The following TLR9 variants were observed in gnomAD, a reference collection of about 807,000 sequenced individuals.
The protein encoded by TLR9 is toll like receptor 9, also known as toll-like receptor 9.
A neutral mutation model predicts 24.6 loss-of-function variants in TLR9; 19 were observed. The observed-to-expected ratio is 0.77, with a 90% confidence interval of 0.54 to 1.13. The LOEUF (loss-of-function observed/expected upper bound fraction) is 1.13, where lower values mean the gene tolerates loss of function less well. TLR9 is among the 50% of genes most tolerant of loss of function. The probability of loss-of-function intolerance (pLI) is 0.00; values close to 1 mark genes in which losing one functional copy is unlikely to be tolerated. For missense variants in TLR9, 1,065 were observed against 1,379.6 expected (o/e 0.77, Z 3.61); for synonymous variants, 579 against 609.8 (o/e 0.95, Z 0.74).
In TLR9 at chr3:52,222,845, TCTC is replaced by T; in HGVS notation, c.1468_1470del (p.Glu490del). On this transcript the variant is annotated inframe_deletion, in exon 2 of 2. Coordinates refer to ENST00000360658, the MANE Select transcript of TLR9 (RefSeq NM_017442.4). ...TGCAGGTGCGAGAGCTGGGCAAACA[TCTC>T]CGGCTGCACGGTCACCAGGTTGTTC... 6.2e-7 allele frequency: 1 copy of T among 1,612,394 alleles called. No homozygotes were observed. The highest frequency in any genetic ancestry group is 8.5e-7 in the Non-Finnish European group (1 of 1,178,560).
chr3:52,222,186 G>A lies in TLR9; in HGVS notation c.2130C>T (p.Cys710=). ...GTRLRRLDVS[C]NSISFVAPGF... ...CGGGGGCCACGAAGCTGATGCTGTT[G>A]CAGCTGACATCCAGCCTCCGGAGCC... The change falls in exon 2 of 2, where the codon TGC becomes TGT. Residue 710 remains cysteine (C), a synonymous_variant. Transcript: ENST00000360658. 6.2e-7 allele frequency: 1 copy of A among 1,614,062 alleles called. No homozygotes were observed. The highest frequency in any genetic ancestry group is 8.5e-7 in the Non-Finnish European group (1 of 1,180,024).
chr3:52,221,532 A>G lies in TLR9; in HGVS notation c.2784T>C (p.Tyr928=), dbSNP rs1297156884. 2.5e-6 allele frequency: 4 copies of G among 1,612,756 alleles called. No homozygotes were observed. The highest frequency in any genetic ancestry group is 1.6e-4 in the Middle Eastern group (1 of 6,082). The stretch of plus-strand genomic sequence containing the variant: ...GCACAAACAGCGTCTTGCGGCTGCC[A>G]TAGACCGAGGCCCACAGGTTCTCAA... ...TLFENLWASV[Y]GSRKTLFVLA... The change falls in exon 2 of 2, where the codon TAT becomes TAC. Residue 928 remains tyrosine, a synonymous_variant. Transcript: ENST00000360658. This position sits in a 1 kb window ranked among gnomAD's most constrained non-coding sequence, Gnocchi z 9.9.
chr3:52,223,297 T>C lies in TLR9; in HGVS notation c.1019A>G (p.Asn340Ser). The C allele has an allele frequency of 6.2e-7, 1 of 1,614,176 alleles. No individual in the cohort carries two copies. Among genetic ancestry groups the C allele is most frequent in the Non-Finnish European group, 8.5e-7 (1 of 1,180,020 alleles). The change falls in exon 2 of 2, where the codon AAC becomes AGC. Residue 340 changes from asparagine to serine, a missense_variant. By Grantham distance (46) the Asn-to-Ser change is conservative. Transcript: ENST00000360658. ...FQGLTQLRKLNLSFNYQKRVS... is the reference protein window; with the variant it reads ...FQGLTQLRKLSLSFNYQKRVS... ...CCTCTTTTGGTAATTGAAGGACAGG[T>C]TAAGCTTGCGCAGCTGTGTTAGGCC... is the stretch of plus-strand genomic sequence containing the variant.
chr3:52,221,850 CGAGAGGGCGAAACAGTCCCAG>C lies in TLR9; in HGVS notation c.2445_2465del (p.Trp816_Ser822del). 1.2e-6 allele frequency: 2 copies of C among 1,613,860 alleles called. No individual in the cohort carries two copies. Among genetic ancestry groups the C allele is most frequent in the Non-Finnish European group, 1.7e-6 (2 of 1,180,012 alleles). ...CCAGGCCCAGAGCCACAGCCAGCAG[CGAGAGGGCGAAACAGTCCCAG>C]GAGAGGGCCTCATCCAGGCAGAGGC... On this transcript the variant is annotated inframe_deletion, in exon 2 of 2. Coordinates refer to ENST00000360658, the MANE Select transcript of TLR9 (RefSeq NM_017442.4). The surrounding 1 kb of genome is among the most constrained non-coding windows in gnomAD (Gnocchi z 9.9).
At position 52,223,929 on chromosome 3, in the gene TLR9, G is replaced by T. The variant is rs1262811850; in HGVS notation, c.387C>A (p.Asn129Lys). The T allele has an allele frequency of 1.9e-6, 3 of 1,594,990 alleles. No homozygotes were observed. The highest frequency in any genetic ancestry group is 2.2e-5 in the East Asian group (1 of 44,590). ...CAGTCATGATGTTGTTGTAGCTCAG[G>T]TTTAGCTCTTCCAGGGTGGGCACAG... ...FLAVPTLEEL[N>K]LSYNNIMTVP... The change falls in exon 2 of 2, where the codon AAC (asparagine) becomes AAA (lysine). Residue 129 changes from asparagine (N) to lysine (K), a missense_variant. Physicochemically the swap from Asn to Lys is moderately conservative, Grantham distance 94 (BLOSUM62 0). Coordinates refer to ENST00000360658, the MANE Select transcript of TLR9 (RefSeq NM_017442.4).
chr3:52,223,187 G>A lies in TLR9; in HGVS notation c.1129C>T (p.Arg377Cys), dbSNP rs980298299. ...CGGAGCGTGGTCTCATCGAGTGAGC[G>A]GAAGAAGATGCCGTGCATGTCCAGC... ...KELDMHGIFF[R>C]SLDETTLRPL... The change falls in exon 2 of 2, where the codon CGC becomes TGC. Residue 377 changes from arginine to cysteine, a missense_variant. By Grantham distance (180) the Arg-to-Cys change is radical. Coordinates refer to ENST00000360658, the MANE Select transcript of TLR9 (RefSeq NM_017442.4). 6.2e-6 allele frequency: 10 copies of A among 1,613,482 alleles called. No individual in the cohort carries two copies. Among genetic ancestry groups the A allele is most frequent in the African/African-American group, 5.3e-5 (4 of 74,930 alleles).
intron 1 of TLR9, 100 bp from the exon 2 acceptor site, chr3:52,224,412 C>T: frequency 3.2e-6 from 3 of 927,438 alleles, no homozygotes; most frequent in Non-Finnish European, 4.9e-6. Context: ...CCCCTCTCTC[C>T]AAGCCCTACC....
rs1699566394 is a variant in TLR9 at position 52,222,237 on chromosome 3, G to A, written c.2079C>T (p.Thr693=). ...DLAGNQLKAL[T]NGSLPAGTRL... is the part of the protein sequence containing the mutation. ...GGGTGCCAGCAGGCAGGCTGCCATT[G>A]GTCAGGGCCTTCAGCTGGTTTCCTG... The change falls in exon 2 of 2, where the codon ACC becomes ACT. Residue 693 remains threonine (T), a synonymous_variant. Transcript: ENST00000360658. The A allele has an allele frequency of 6.2e-7, 1 of 1,614,054 alleles. No individual in the cohort carries two copies. The highest frequency in any genetic ancestry group is 1.3e-5 in the African/African-American group (1 of 74,942).
rs773220355 is a variant in TLR9, at chr3:52,225,556, G to T, written c.-27C>A. ...CTGGGGGGCAGGGGCTTCTCCAGAG[G>T]GTCTGGCGGGCAGACTGGACAGCAG... On this transcript the variant is annotated 5_prime_UTR_variant, in exon 1 of 2. Coordinates refer to ENST00000360658, the MANE Select transcript of TLR9 (RefSeq NM_017442.4). 6 of 1,577,524 alleles carry T rather than the reference G, an allele frequency of 3.8e-6. No individual in the cohort carries two copies. In the East Asian group the frequency reaches 1.4e-4, roughly 37 times the overall value.
chr3:52,224,339 T>A (rs755448550), intron 1 of TLR9, 27 bp from the exon 2 acceptor site: 6 of 1,535,300 alleles, frequency 3.9e-6, no homozygotes, highest in Non-Finnish European at 5.3e-6. Context: ...GCTGTGTGAG[T>A]GGCCGGCCCC....
Position 52,223,681 on chromosome 3 carries a change from G to C in TLR9, c.635C>G (p.Thr212Ser). The change falls in exon 2 of 2, where the codon ACT (threonine) becomes AGT (serine). Residue 212 changes from threonine (T) to serine (S), a missense_variant. By Grantham distance (58) the Thr-to-Ser change is moderately conservative. Transcript: ENST00000360658. The stretch of plus-strand genomic sequence containing the variant: ...GGAAGGCAGGTTGCGGGGCACCACA[G>C]TGAGGTTGTTGTACTTGAGTGACAG... ...THLSLKYNNL[T>S]VVPRNLPSSL... 1 of 1,599,878 alleles carries C rather than the reference G, an allele frequency of 6.3e-7. No homozygotes were observed. Among genetic ancestry groups the C allele is most frequent in the Non-Finnish European group, 8.5e-7 (1 of 1,172,316 alleles).
rs764305273 is a variant in TLR9 at position 52,224,064 on chromosome 3, G to T, written c.252C>A (p.Ala84=). The change falls in exon 2 of 2, where the codon GCC becomes GCA. Residue 84 remains alanine, a synonymous_variant. Coordinates refer to ENST00000360658, the MANE Select transcript of TLR9 (RefSeq NM_017442.4). ...TGAGATGCCGCAGGCTGGGCAGGTG[G>T]GCAAAGTCAGAATCATGGAGGTGGT... The part of the protein sequence containing the change: ...RIHHLHDSDF[A]HLPSLRHLNL... 1 of 1,572,766 alleles carries T rather than the reference G, an allele frequency of 6.4e-7. No individual in the cohort carries two copies. Among genetic ancestry groups the T allele is most frequent in the Non-Finnish European group, 8.7e-7 (1 of 1,155,372 alleles).
rs55846319 is a variant in TLR9, at chr3:52,221,393, C to A, written c.2923G>T (p.Gly975Cys). The A allele has an allele frequency of 3.0e-5, 47 of 1,592,450 alleles. No individual in the cohort carries two copies. In the East Asian group the frequency reaches 1.0e-3, roughly 34 times the overall value. The change falls in exon 2 of 2, where the codon GGC becomes TGC. Residue 975 changes from glycine (G) to cysteine (C), a missense_variant. Gly to Cys is a radical substitution (Grantham distance 159). Transcript: ENST00000360658. The surrounding 1 kb of genome is among the most constrained non-coding windows in gnomAD (Gnocchi z 9.9). ...VVVLVILSPDGRRSRYVRLRQ... is the reference protein window; with the variant it reads ...VVVLVILSPDCRRSRYVRLRQ... ...AGCCGCACGTAGCGGGAGCGGCGGC[C>A]GTCAGGGCTCAGGATCACCAGCACC... is the stretch of plus-strand genomic sequence containing the variant.
At position 52,223,415 on chromosome 3, in the gene TLR9, C is replaced by T. The variant is rs1476223719; in HGVS notation, c.901G>A (p.Ala301Thr). ...TTTCCCAGCCCACGGAACCAACTGG[C>T]ATTCAGCCAGGAGAGAGAACTGTCC... ...LKDSSLSWLNASWFRGLGNLR... is the reference protein window; with the variant it reads ...LKDSSLSWLNTSWFRGLGNLR... The change falls in exon 2 of 2, where the codon GCC (alanine) becomes ACC (threonine). Residue 301 changes from alanine to threonine, a missense_variant. By Grantham distance (58) the Ala-to-Thr change is moderately conservative. Transcript: ENST00000360658. 5 of 1,612,064 alleles carry T rather than the reference C, an allele frequency of 3.1e-6. No homozygotes were observed. In the African/African-American group the frequency reaches 6.7e-5, roughly 22 times the overall value.
rs2107292348 is a variant in TLR9 at position 52,221,157 on chromosome 3, C to CCAGG, written c.*56_*59dup. 2.7e-6 allele frequency: 4 copies of CCAGG among 1,464,088 alleles called. No homozygotes were observed. The South Asian group carries it at 4.3e-5, about 16-fold the overall frequency. 90.7% of individuals were successfully genotyped at this position (1,464,088 alleles called of 1,614,324 possible). A position where few individuals can be genotyped will look rare whatever the true frequency, so the allele number is the denominator to read the frequency against. ...GGGAGGCGAGCAGGGGAGGGTCAGA[C>CCAGG]CAGGCAGGCAGAGGTGAGGTGAGTG... On this transcript the variant is annotated 3_prime_UTR_variant, in exon 2 of 2. Transcript: ENST00000360658. The surrounding 1 kb of genome is among the most constrained non-coding windows in gnomAD (Gnocchi z 9.9).
In TLR9 at chr3:52,225,613, C is replaced by T; in HGVS notation, c.-84G>A. 6.4e-7 allele frequency: 1 copy of T among 1,557,592 alleles called. No homozygotes were observed. The highest frequency in any genetic ancestry group is 2.0e-5 in the Admixed American group (1 of 49,264). ...GGAAGGATGCTTCACACTCGAGGTC[C>T]CTTCCCACAGGGGCAGCAGCGGCTC... is the stretch of plus-strand genomic sequence containing the variant. On this transcript the variant is annotated 5_prime_UTR_variant, in exon 1 of 2. Coordinates refer to ENST00000360658, the MANE Select transcript of TLR9 (RefSeq NM_017442.4).
chr3:52,221,716 G>T lies in TLR9; in HGVS notation c.2600C>A (p.Ala867Asp). 1 of 1,613,950 alleles carries T rather than the reference G, an allele frequency of 6.2e-7. No individual in the cohort carries two copies. The highest frequency in any genetic ancestry group is 8.5e-7 in the Non-Finnish European group (1 of 1,180,022). The change falls in exon 2 of 2, where the codon GCC becomes GAC. Residue 867 changes from alanine (A) to aspartate (D), a missense_variant. Transcript: ENST00000360658. This position sits in a 1 kb window ranked among gnomAD's most constrained non-coding sequence, Gnocchi z 9.9. Reference sequence around the variant, plus strand: ...GACCACGAAGGCATCGTAGGGCAGGGCATCCTCATCTCGCCCACTTTGCCG... The same window carrying T: ...GACCACGAAGGCATCGTAGGGCAGGTCATCCTCATCTCGCCCACTTTGCCG... ...RGRQSGRDED[A>D]LPYDAFVVFD...
Position 52,221,706 on chromosome 3 carries a change from G to T in TLR9, c.2610C>A (p.Tyr870Ter). The change falls in exon 2 of 2, where the codon TAC (tyrosine) becomes TAA (stop). Residue 870 changes from tyrosine to a stop codon, truncating the protein, a stop_gained. Transcript: ENST00000360658. LOFTEE classifies it high-confidence loss of function. This position sits in a 1 kb window ranked among gnomAD's most constrained non-coding sequence, Gnocchi z 9.9. Reference protein sequence around the residue: ...QSGRDEDALPYDAFVVFDKTQ... With the variant: ...QSGRDEDALP ...TTTTGTCGAAGACCACGAAGGCATC[G>T]TAGGGCAGGGCATCCTCATCTCGCC... The T allele has an allele frequency of 1.2e-6, 2 of 1,613,946 alleles. No homozygotes were observed. Among genetic ancestry groups the T allele is most frequent in the Non-Finnish European group, 1.7e-6 (2 of 1,180,026 alleles).
rs199542217 is a variant in TLR9 at position 52,223,738 on chromosome 3, C to T, written c.578G>A (p.Gly193Asp). 1 of 1,570,786 alleles carries T rather than the reference C, an allele frequency of 6.4e-7. No individual in the cohort carries two copies. The highest frequency in any genetic ancestry group is 8.6e-7 in the Non-Finnish European group (1 of 1,157,488). The change falls in exon 2 of 2, where the codon GGT becomes GAT. Residue 193 changes from glycine (G) to aspartate (D), a missense_variant. Physicochemically the swap from Gly to Asp is moderately conservative, Grantham distance 94. Coordinates refer to ENST00000360658, the MANE Select transcript of TLR9 (RefSeq NM_017442.4). ...GAGGTTGCCCAGGCCAAGGAGGGCA[C>T]CCGGGGCCACCTCCAGTGCCTGCCT... ...PCRQALEVAP[G>D]ALLGLGNLTH... is the part of the protein sequence containing the mutation.
Sources: gnomAD v4.1 joint callset for allele counts on GRCh38, gnomAD v4.1.1 for gene constraint, Gnocchi (gnomAD v3.1) non-coding constraint, MANE v1.5 for transcripts, NCBI Gene and HGNC (gene_info 2026-07-23, HGNC 2026-07-21) for gene names.